The following STEAP1B variants were observed in gnomAD, a reference collection of about 807,000 sequenced individuals.
The protein encoded by STEAP1B is STEAP family member 1B.
A neutral mutation model predicts 27.9 loss-of-function variants in STEAP1B; 13 were observed. That is an observed-to-expected ratio of 0.47 (90% CI 0.30 to 0.74). The LOEUF is 0.74. Ranked by LOEUF, STEAP1B falls within the 30% of genes least tolerant of loss-of-function variation. The pLI is 0.06. For missense variants in STEAP1B, 250 were observed against 298.7 expected (o/e 0.84, Z 1.20); for synonymous variants, 86 against 107.1 (o/e 0.80, Z 1.22).
intron 4 of STEAP1B, among the ~76,000 whole-genome samples, chr7:22,452,427 C>T (rs971240282): frequency 3.9e-5 from 6 of 151,988 alleles, no homozygotes; most frequent in Non-Finnish European, 8.8e-5. Context: ...AATCCCCCCC[C>T]TCCCCGCGCC....
intron 1 of STEAP1B, among the ~76,000 whole-genome samples, chr7:22,495,827 G>A (rs1331701459): frequency 6.6e-6 from 1 of 152,230 alleles, no homozygotes; most frequent in African/African-American, 2.4e-5. Flanking sequence ...ATAACATTTT[G>A]GTCAACGACT....
At chr7:22,456,968 A>ATTTTTTTTTTTTT (rs1554285700) in intron 4 of STEAP1B, among the ~76,000 whole-genome samples, 1 of 47,942 alleles carries the variant, frequency 2.1e-5, no homozygotes, top group Non-Finnish European at 5.1e-5. Context: ...ATATATATAT[A>ATTTTTTTTTTTTT]TATATTTTTT....
intron 4 of STEAP1B, chr7:22,438,284 G>A (rs1489503036): frequency 3.5e-6 from 2 of 567,152 alleles, no homozygotes; most frequent in Middle Eastern, 4.9e-4. Flanking sequence ...AATACTTCCA[G>A]TATATGCTTG....
intron 4 of STEAP1B, among the ~76,000 whole-genome samples, chr7:22,464,973 A>T (rs1785751068): frequency 7.5e-5 from 10 of 132,646 alleles, no homozygotes; most frequent in Non-Finnish European, 1.3e-4. Flanking sequence ...ATGTAGGCAC[A>T]ATAAGAGATT....
intron 4 of STEAP1B, among the ~76,000 whole-genome samples, chr7:22,476,537 TC>T (rs1231521587): frequency 6.6e-6 from 1 of 152,124 alleles, no homozygotes; most frequent in East Asian, 1.9e-4. Flanking sequence ...AGGGCCTCAA[TC>T]CCCTGTATAG....
rs1350103326 is a variant in STEAP1B at position 22,454,570 on chromosome 7, C to A, written c.763-34734G>T. ...TGCCATGCACTGCAGGAGCTGAGAA[C>A]TGGAGAAGCCCCAAGTGCTACAGGA... On this transcript the variant is annotated intron_variant, in intron 4 of 4. Coordinates refer to ENST00000678116, the MANE Select transcript of STEAP1B (RefSeq NM_001382447.1). 5.3e-5 allele frequency among the ~76,000 whole-genome samples: 8 copies of A among 152,140 alleles called. No individual in the cohort carries two copies. In the East Asian group the frequency reaches 1.5e-3, roughly 29 times the overall value.
At chr7:22,456,973 T>TATA (rs1554285707) in intron 4 of STEAP1B, among the ~76,000 whole-genome samples, 7,705 of 58,876 alleles carry the variant, frequency 0.13, 1,042 homozygotes, top group Non-Finnish European at 0.17. Flanking sequence ...TATATATATA[T>TATA]TTTTTTTTTT....
chr7:22,470,592 C>T lies in STEAP1B; in HGVS notation c.762+21973G>A, dbSNP rs533432691. Among the ~76,000 whole-genome samples the T allele has an allele frequency of 2.3e-4, 35 of 152,192 alleles. 1 individual carries two copies. In the South Asian group the frequency reaches 7.1e-3, roughly 31 times the overall value. ...TCCAGACCAGCCAACATGGTAAAACCCCATCTCTACTAAAAATACAAAAAC... is the reference window on the plus strand; with the variant it reads ...TCCAGACCAGCCAACATGGTAAAACTCCATCTCTACTAAAAATACAAAAAC... On this transcript the variant is annotated intron_variant, in intron 4 of 4. Coordinates refer to ENST00000678116, the MANE Select transcript of STEAP1B (RefSeq NM_001382447.1).
intron 4 of STEAP1B, among the ~76,000 whole-genome samples, chr7:22,489,992 G>C (rs925584625): frequency 6.6e-6 from 1 of 152,222 alleles, no homozygotes; most frequent in African/African-American, 2.4e-5. Context: ...AGCCTCTGAA[G>C]TGCTTGAATT....
chr7:22,467,594 T>C (rs1196433499), intron 4 of STEAP1B, among the ~76,000 whole-genome samples: 1 of 152,176 alleles, frequency 6.6e-6, no homozygotes, highest in Non-Finnish European at 1.5e-5. Flanking sequence ...CCCCATACTG[T>C]TCTTGTGGTA....
At chr7:22,456,537 A>G (rs925082234) in intron 4 of STEAP1B, among the ~76,000 whole-genome samples, 3 of 152,204 alleles carry the variant, frequency 2.0e-5, no homozygotes, top group Admixed American at 6.5e-5. Context: ...GAATATCTCA[A>G]TTTAGTCACA....
intron 4 of STEAP1B, among the ~76,000 whole-genome samples, chr7:22,440,093 G>T (rs1170992350): frequency 1.3e-5 from 2 of 152,080 alleles, no homozygotes; most frequent in Non-Finnish European, 2.9e-5. Flanking sequence ...TCAATAAATG[G>T]AGTACAAAAA....
chr7:22,465,434 A>G (rs1785760170), intron 4 of STEAP1B, among the ~76,000 whole-genome samples: 1 of 152,034 alleles, frequency 6.6e-6, no homozygotes, highest in South Asian at 2.1e-4. Context: ...GATTACCTGC[A>G]ATGTGCTTTT....
At position 22,455,116 on chromosome 7, in the gene STEAP1B, G is replaced by A. The variant is rs552232851; in HGVS notation, c.763-35280C>T. On this transcript the variant is annotated intron_variant, in intron 4 of 4. Transcript: ENST00000678116. ...TTCACTTCGTGATCCACCTGCCTCGGCCTCCCAAAGTGCTGGGATTACAGG... is the reference window on the plus strand; with the variant it reads ...TTCACTTCGTGATCCACCTGCCTCGACCTCCCAAAGTGCTGGGATTACAGG... 4.9e-4 allele frequency among the ~76,000 whole-genome samples: 74 copies of A among 152,098 alleles called. 1 individual carries two copies. The highest frequency in any genetic ancestry group is 1.7e-3 in the African/African-American group (70 of 41,490).
chr7:22,442,950 C>T (rs1194997295), intron 4 of STEAP1B, among the ~76,000 whole-genome samples: 1 of 152,170 alleles, frequency 6.6e-6, no homozygotes, highest in African/African-American at 2.4e-5. Context: ...CACCCCTACC[C>T]CCTTCCCTGG....
At chr7:22,427,767 C>G (rs1785127332) in intron 4 of STEAP1B, among the ~76,000 whole-genome samples, 2 of 152,170 alleles carry the variant, frequency 1.3e-5, no homozygotes, top group African/African-American at 4.8e-5. Context: ...GAGGCTCGAT[C>G]CAACTAATGT....
chr7:22,498,432 T>G (rs1273403750), intron 1 of STEAP1B, among the ~76,000 whole-genome samples: 1 of 152,200 alleles, frequency 6.6e-6, no homozygotes, highest in Admixed American at 6.5e-5. Flanking sequence ...TGTCACCTAC[T>G]ATAATCAAAT....
chr7:22,420,663 G>C (rs531511119), intron 4 of STEAP1B, among the ~76,000 whole-genome samples: 73 of 152,336 alleles, frequency 4.8e-4, no homozygotes, highest in African/African-American at 1.8e-3. Flanking sequence ...TGCATGGCTT[G>C]TAGGCATACC....
In STEAP1B at chr7:22,492,398, G is replaced by C. The variant is rs55649020; in HGVS notation, c.762+167C>G. The C allele has an allele frequency of 0.11, 80,691 of 758,138 alleles. 4,517 individuals carry two copies. Among genetic ancestry groups the C allele is most frequent in the African/African-American group, 0.17 (8,955 of 51,320 alleles). 47.0% of individuals were successfully genotyped at this position (758,138 alleles called of 1,614,324 possible). On this transcript the variant is annotated intron_variant, in intron 4 of 4. Coordinates refer to ENST00000678116, the MANE Select transcript of STEAP1B (RefSeq NM_001382447.1). Reference sequence around the variant, plus strand: ...GTCTAGGAAACACTTGTCCTAATTAGAAGCAATAGGGAAAACAACAGGAGA... The same window carrying C: ...GTCTAGGAAACACTTGTCCTAATTACAAGCAATAGGGAAAACAACAGGAGA...
Sources: allele counts gnomAD v4.1 joint callset (sites outside exome capture counted in the v4.1 genomes callset), GRCh38; gene constraint gnomAD v4.1.1; transcripts MANE v1.5; gene names NCBI Gene and HGNC (gene_info 2026-07-23, HGNC 2026-07-21).